Variants in BMP7 observed in about 807,000 individuals in gnomAD.
BMP7 encodes the protein bone morphogenetic protein 7.
BMP7 carries 12 observed loss-of-function variants against 41.2 expected under a neutral mutation model. The observed-to-expected ratio is 0.29, with a 90% CI of 0.19 to 0.47. The LOEUF (loss-of-function observed/expected upper bound fraction) is 0.47. BMP7 is among the 20% of genes least tolerant of loss of function. The pLI, the probability that BMP7 is intolerant of heterozygous loss-of-function variation, is 0.99. For synonymous variants in BMP7, 248 were observed against 250.0 expected, an observed-to-expected ratio of 0.99 and a Z score of 0.07; for missense variants, 467 against 606.0, an observed-to-expected ratio of 0.77 and a Z score of 2.41.
chr20:57,187,908 G>A (rs1318781921), intron 3 of BMP7, among the ~76,000 whole-genome samples: 1 of 152,138 alleles, frequency 6.6e-6, no homozygotes, highest in Non-Finnish European at 1.5e-5. Context: ...GGACAGGTAT[G>A]GAATCTTCCC....
intron 3 of BMP7, among the ~76,000 whole-genome samples, chr20:57,189,456 G>A (rs1984298853): frequency 6.6e-6 from 1 of 152,248 alleles, no homozygotes; most frequent in Admixed American, 6.5e-5. Flanking sequence ...AGCAAACCCA[G>A]CACAGGGCCC....
chr20:57,250,336 A>AAT (rs1020983590), intron 1 of BMP7, among the ~76,000 whole-genome samples: 1 of 131,128 alleles, frequency 7.6e-6, no homozygotes, highest in African/African-American at 2.8e-5. Context: ...TATAATATAT[A>AAT]ATATATATCT....
At chr20:57,251,340 G>A (rs929112699) in intron 1 of BMP7, among the ~76,000 whole-genome samples, 8 of 152,102 alleles carry the variant, frequency 5.3e-5, no homozygotes, top group Non-Finnish European at 7.4e-5. Context: ...GCAGTCTGAC[G>A]GTCTGACTCA....
At chr20:57,244,715 G>A (rs927209091) in intron 1 of BMP7, among the ~76,000 whole-genome samples, 1 of 152,222 alleles carries the variant, frequency 6.6e-6, no homozygotes, top group Non-Finnish European at 1.5e-5. Flanking sequence ...GCAGAGACCT[G>A]TGCCTTGCCT....
chr20:57,182,132 G>A (rs1024862526), intron 4 of BMP7, among the ~76,000 whole-genome samples: 1 of 152,242 alleles, frequency 6.6e-6, no homozygotes, highest in African/African-American at 2.4e-5. Flanking sequence ...CTGGAAAATG[G>A]TTTGTTGTGA....
intron 2 of BMP7, among the ~76,000 whole-genome samples, chr20:57,221,233 A>G (rs77899482): frequency 0.049 from 7,400 of 152,182 alleles, 264 homozygotes; most frequent in Non-Finnish European, 0.068. Flanking sequence ...AGTCCGTGCA[A>G]CTTCCGAGGG....
chr20:57,239,069 C>G (rs1369044970), intron 1 of BMP7, among the ~76,000 whole-genome samples: 2 of 152,170 alleles, frequency 1.3e-5, no homozygotes. Flanking sequence ...AATAGTCCCC[C>G]AAATTCTTAA....
At chr20:57,232,207 C>T (rs1010568094) in intron 1 of BMP7, among the ~76,000 whole-genome samples, 1 of 152,120 alleles carries the variant, frequency 6.6e-6, no homozygotes, top group African/African-American at 2.4e-5. Context: ...TGTTCCCCTC[C>T]CCCTGGAGAT....
chr20:57,189,642 C>G (rs1253660837), intron 3 of BMP7, among the ~76,000 whole-genome samples: 1 of 152,236 alleles, frequency 6.6e-6, no homozygotes, highest in Non-Finnish European at 1.5e-5. Flanking sequence ...CTGACCTTCT[C>G]CCTGGTGGCC....
chr20:57,255,799 C>CAAAAAAAAAAAAA (rs3067106), intron 1 of BMP7, among the ~76,000 whole-genome samples: 9 of 48,618 alleles, frequency 1.9e-4, no homozygotes, highest in Non-Finnish European at 2.4e-4. Flanking sequence ...GACTCCATCT[C>CAAAAAAAAAAAAA]AAAAAAAAAA....
chr20:57,266,277 C>T lies in BMP7; in HGVS notation c.-155G>A, dbSNP rs957708079. 4 of 660,540 alleles carry T rather than the reference C, an allele frequency of 6.1e-6. No individual in the cohort carries two copies. The African/African-American group carries it at 7.7e-5, about 13-fold the overall frequency. 40.9% of individuals were successfully genotyped at this position (660,540 alleles called of 1,614,324 possible). On this transcript the variant is annotated 5_prime_UTR_variant, in exon 1 of 7. Transcript: ENST00000395863. ...GACATGGCCCCTCCCCGGCCGGCCG[C>T]GCTCTGCCCGGACCCCCGCCCCCTG...
At chr20:57,209,095 G>C (rs1984810728) in intron 2 of BMP7, among the ~76,000 whole-genome samples, 1 of 151,728 alleles carries the variant, frequency 6.6e-6, no homozygotes, top group Admixed American at 6.6e-5. Flanking sequence ...GAGGCGTGTG[G>C]ATCACCCTGA....
At position 57,195,045 on chromosome 20, in the gene BMP7, C is replaced by CA. The variant is rs369959634; in HGVS notation, c.760+7429dup. ...AAAGGAGCCTGGTGGAGATAGGACTCAGAGTGAGCTGAGGACAGGGCCCAG... is the reference window on the plus strand; with the variant it reads ...AAAGGAGCCTGGTGGAGATAGGACTCAAGAGTGAGCTGAGGACAGGGCCCAG... On this transcript the variant is annotated intron_variant, in intron 3 of 6. Coordinates refer to ENST00000395863, the MANE Select transcript of BMP7 (RefSeq NM_001719.3). Among the ~76,000 whole-genome samples the CA allele has an allele frequency of 6.5e-3, 992 of 152,324 alleles. 11 individuals carry two copies. The highest frequency in any genetic ancestry group is 0.022 in the African/African-American group (926 of 41,580).
chr20:57,184,620 C>T (rs1984168368), intron 3 of BMP7, among the ~76,000 whole-genome samples: 1 of 152,182 alleles, frequency 6.6e-6, no homozygotes, highest in African/African-American at 2.4e-5. Flanking sequence ...CACACCCACA[C>T]AGAGCCTCAG....
chr20:57,224,853 C>A lies in BMP7; in HGVS notation c.611+3376G>T, dbSNP rs1314818539. 1.3e-5 allele frequency: 2 copies of A among 152,300 alleles called. No individual in the cohort carries two copies. Among genetic ancestry groups the A allele is most frequent in the Non-Finnish European group, 2.9e-5 (2 of 68,074 alleles). 9.4% of individuals were successfully genotyped at this position (152,300 alleles called of 1,614,324 possible). On this transcript the variant is annotated intron_variant, in intron 2 of 6. Transcript: ENST00000395863. This position sits in a 1 kb window ranked among gnomAD's most constrained non-coding sequence, Gnocchi z 4.8. ...CCGCGCTTTAAGCAGAGCCGCAGGG[C>A]TATGGAAGGCCTCCAGCTCGGCTCA...
At chr20:57,203,855 C>T (rs114764360) in intron 2 of BMP7, among the ~76,000 whole-genome samples, 2,226 of 152,310 alleles carry the variant, frequency 0.015, 62 homozygotes, top group African/African-American at 0.051. Context: ...TATAGTGAAT[C>T]TTGTCTGCTC....
chr20:57,209,261 A>ATATT (rs1984822532), intron 2 of BMP7, among the ~76,000 whole-genome samples: 1 of 120,266 alleles, frequency 8.3e-6, no homozygotes, highest in Non-Finnish European at 1.6e-5. Flanking sequence ...ATATATATAT[A>ATATT]TATATATATA....
intron 2 of BMP7, among the ~76,000 whole-genome samples, chr20:57,209,846 G>GT (rs1176679665): frequency 6.6e-6 from 1 of 152,158 alleles, no homozygotes; most frequent in Non-Finnish European, 1.5e-5. Flanking sequence ...TCTCAATTTA[G>GT]TAAGCATGCC....
At chr20:57,219,055 G>GGTGGGCGAGGGACTTC (rs1568719267) in intron 2 of BMP7, among the ~76,000 whole-genome samples, 1 of 146,762 alleles carries the variant, frequency 6.8e-6, no homozygotes, top group African/African-American at 2.7e-5. Flanking sequence ...GTGGTAGCTG[G>GGTGGGCGAGGGACTTC]CATTTGTTTG....
Sources: allele counts gnomAD v4.1 joint callset (sites outside exome capture counted in the v4.1 genomes callset), GRCh38; gene constraint gnomAD v4.1.1; non-coding constraint Gnocchi (gnomAD v3.1); transcripts MANE v1.5; gene names NCBI Gene and HGNC (gene_info 2026-07-23, HGNC 2026-07-21).